Variants in GTF2B observed in about 807,000 individuals in gnomAD.
GTF2B encodes general transcription factor IIB.
GTF2B carries 20 observed loss-of-function variants against 34.6 expected under a neutral mutation model. That is an observed-to-expected ratio of 0.58 (90% confidence interval 0.41 to 0.84). The LOEUF (loss-of-function observed/expected upper bound fraction) is 0.84. GTF2B is among the 40% of genes least tolerant of loss of function. The pLI, the probability that GTF2B is intolerant of heterozygous loss-of-function variation, is 0.00. For missense variants in GTF2B, 237 were observed against 393.3 expected (o/e 0.60, Z 3.36); for synonymous variants, 142 against 132.4 (o/e 1.07, Z -0.50).
Position 88,852,752 on chromosome 1 carries a change from A to G in GTF2B, c.*461T>C, listed in dbSNP as rs1673220039. Among the ~76,000 whole-genome samples, 1 of 152,184 alleles carries G rather than the reference A, an allele frequency of 6.6e-6. No homozygotes were observed. Among genetic ancestry groups the G allele is most frequent in the Non-Finnish European group, 1.5e-5 (1 of 68,036 alleles). ...ACATACACATCCTTTCAAACTGGAA[A>G]CTATGATGTTGATGTTAACAATGGT... On this transcript the variant is annotated 3_prime_UTR_variant, in exon 7 of 7. Transcript: ENST00000370500.
chr1:88,861,688 C>T (rs1009718268), intron 3 of GTF2B, among the ~76,000 whole-genome samples: 4 of 152,198 alleles, frequency 2.6e-5, no homozygotes, highest in East Asian at 3.9e-4. Context: ...CAAAACAGGC[C>T]GAGTGTGATG....
intron 5 of GTF2B, among the ~76,000 whole-genome samples, chr1:88,859,204 A>G (rs184696766): frequency 4.1e-3 from 623 of 152,238 alleles, no homozygotes; most frequent in Admixed American, 9.3e-3. Context: ...CCTCATCTAC[A>G]GAGACCAGTG....
intron 2 of GTF2B, among the ~76,000 whole-genome samples, chr1:88,886,929 T>A (rs12740480): frequency 0.29 from 43,584 of 151,772 alleles, 7,115 homozygotes; most frequent in Admixed American, 0.37. Flanking sequence ...TATTATTATT[T>A]TTTTTTTGAG....
chr1:88,878,774 T>C (rs1570732801), intron 2 of GTF2B, among the ~76,000 whole-genome samples: 1 of 152,336 alleles, frequency 6.6e-6, no homozygotes, highest in East Asian at 1.9e-4. Context: ...CTCAGAACAC[T>C]TGCTCTTGAG....
At position 88,872,271 on chromosome 1, in the gene GTF2B, T is replaced by C. The variant is rs112047780; in HGVS notation, c.125-8157A>G. On this transcript the variant is annotated intron_variant, in intron 2 of 6. Coordinates refer to ENST00000370500, the MANE Select transcript of GTF2B (RefSeq NM_001514.6). The stretch of plus-strand genomic sequence containing the variant: ...GAGTTTGAGACAAGCCTGACCAACA[T>C]AGTGAAACCCGGTCTCTACTAAAAA... Among the ~76,000 whole-genome samples, 427 of 151,662 alleles carry C rather than the reference T, an allele frequency of 2.8e-3. 5 individuals are homozygous for C. Among genetic ancestry groups the C allele is most frequent in the South Asian group, 6.9e-3 (33 of 4,786 alleles).
At chr1:88,881,530 G>C (rs1217918841) in intron 2 of GTF2B, among the ~76,000 whole-genome samples, 1 of 152,118 alleles carries the variant, frequency 6.6e-6, no homozygotes, top group East Asian at 1.9e-4. Flanking sequence ...TAATTTGCTT[G>C]ATGATAGTCT....
chr1:88,884,306 G>A (rs1674016014), intron 2 of GTF2B, among the ~76,000 whole-genome samples: 1 of 152,188 alleles, frequency 6.6e-6, no homozygotes, highest in Admixed American at 6.6e-5. Context: ...GATTACAGGC[G>A]TAAGCCGCTG....
Position 88,857,203 on chromosome 1 carries a change from T to TAC in GTF2B, c.817+1_817+2dup, listed in dbSNP as rs1187188342. 26 of 1,602,814 alleles carry TAC rather than the reference T, an allele frequency of 1.6e-5. No individual in the cohort carries two copies. Among genetic ancestry groups the TAC allele is most frequent in the Non-Finnish European group, 2.1e-5 (25 of 1,175,408 alleles). On this transcript the variant is annotated splice_region_variant and intron_variant, in intron 6 of 6. Transcript: ENST00000370500. Reference sequence around the variant, plus strand: ...TGCCACACTTCCTGATGACGAACCCTACCTTTTTGGGTCCTCTTTTCAGCT... The same window carrying TAC: ...TGCCACACTTCCTGATGACGAACCCTACACCTTTTTGGGTCCTCTTTTCAGCT...
At chr1:88,866,307 T>C (rs1429581465) in intron 2 of GTF2B, among the ~76,000 whole-genome samples, 2 of 152,140 alleles carry the variant, frequency 1.3e-5, no homozygotes, top group Non-Finnish European at 2.9e-5. Context: ...GGAGCCATGA[T>C]TACACCACTG....
chr1:88,866,244 G>A (rs1673557607), intron 2 of GTF2B, among the ~76,000 whole-genome samples: 2 of 152,138 alleles, frequency 1.3e-5, no homozygotes, highest in African/African-American at 4.8e-5. Flanking sequence ...GCATGTGCCT[G>A]TAGGGAGGCT....
chr1:88,887,818 G>C (rs1306972478), intron 1 of GTF2B: 1 of 188,934 alleles, frequency 5.3e-6, no homozygotes, highest in Non-Finnish European at 1.1e-5. Context: ...GATTTAAATA[G>C]TACACTGAAC....
chr1:88,866,072 TA>T, intron 2 of GTF2B, among the ~76,000 whole-genome samples: 1 of 152,084 alleles, frequency 6.6e-6, no homozygotes, highest in East Asian at 1.9e-4. Flanking sequence ...GTGATAGATT[TA>T]AAAAAAGGCT....
chr1:88,868,939 G>A (rs1379994929), intron 2 of GTF2B, among the ~76,000 whole-genome samples: 1 of 151,972 alleles, frequency 6.6e-6, no homozygotes, highest in Non-Finnish European at 1.5e-5. Context: ...CAGGGTTTCA[G>A]CGTGTTAACC....
chr1:88,877,087 C>A (rs149390031), intron 2 of GTF2B, among the ~76,000 whole-genome samples: 46 of 152,302 alleles, frequency 3.0e-4, no homozygotes, highest in Non-Finnish European at 5.3e-4. Context: ...CAATATGTTA[C>A]CAATGTATGA....
At position 88,887,293 on chromosome 1, in the gene GTF2B, T is replaced by C. The variant is rs1674094478; in HGVS notation, c.92A>G (p.Asp31Gly). ...AILVEDYRAGDMICPECGLVV... is the reference protein window; with the variant it reads ...AILVEDYRAGGMICPECGLVV... The stretch of plus-strand genomic sequence containing the variant: ...CAAGCCACATTCAGGACAGATCATA[T>C]CACCGGCTCTGTAGTCCTCCACTAA... The change falls in exon 2 of 7, where the codon GAT becomes GGT. Residue 31 changes from aspartate (D) to glycine (G), a missense_variant. Physicochemically the swap from Asp to Gly is moderately conservative, Grantham distance 94. Transcript: ENST00000370500. 4 of 1,611,122 alleles carry C rather than the reference T, an allele frequency of 2.5e-6. No individual in the cohort carries two copies. Among genetic ancestry groups the C allele is most frequent in the Admixed American group, 1.7e-5 (1 of 59,988 alleles).
At chr1:88,887,422 ATCT>A in intron 1 of GTF2B, 55 bp from the exon 2 acceptor site, 2 of 1,008,202 alleles carry the variant, frequency 2.0e-6, no homozygotes, top group African/African-American at 3.2e-5. Context: ...TATCAAATTA[ATCT>A]TCTGGGATGG....
chr1:88,873,999 G>C (rs188588188), intron 2 of GTF2B, among the ~76,000 whole-genome samples: 104 of 152,278 alleles, frequency 6.8e-4, no homozygotes, highest in African/African-American at 2.4e-3. Context: ...TAATAGGATG[G>C]GGGAGAGGAG....
intron 2 of GTF2B, among the ~76,000 whole-genome samples, chr1:88,869,226 T>C (rs1331348472): frequency 6.6e-6 from 1 of 152,182 alleles, no homozygotes; most frequent in Non-Finnish European, 1.5e-5. Context: ...TTAAAGTATA[T>C]GGGAGGATGT....
chr1:88,859,076 C>T (rs1051262862), intron 5 of GTF2B, among the ~76,000 whole-genome samples: 2 of 152,044 alleles, frequency 1.3e-5, no homozygotes, highest in African/African-American at 2.4e-5. Context: ...CCATATTGGC[C>T]AGGCTGGTCT....
Sources: gnomAD v4.1 joint callset for allele counts (sites outside exome capture counted in the v4.1 genomes callset) on GRCh38, gnomAD v4.1.1 for gene constraint, MANE v1.5 for transcripts, NCBI Gene and HGNC (gene_info 2026-07-23, HGNC 2026-07-21) for gene names.